PRKCE: variants seen among roughly 807,000 people sequenced by gnomAD.
The protein encoded by PRKCE is protein kinase C epsilon, also known as protein kinase C epsilon type.
A neutral mutation model predicts 85.4 loss-of-function variants in PRKCE; 16 were observed. The observed-to-expected ratio is 0.19, with a 90% confidence interval of 0.13 to 0.28. PRKCE has a LOEUF of 0.28. PRKCE is among the 10% of genes least tolerant of loss of function. The pLI is 1.00. For synonymous variants in PRKCE, 388 were observed against 371.5 expected (o/e 1.04, Z -0.51); for missense variants, 573 against 975.2 (o/e 0.59, Z 5.49).
intron 1 of PRKCE, among the ~76,000 whole-genome samples, chr2:45,826,846 A>G (rs987962163): frequency 1.3e-5 from 2 of 152,064 alleles, no homozygotes; most frequent in Admixed American, 6.5e-5. Flanking sequence ...TCTATCTTCA[A>G]ATTACATTCA....
At chr2:45,900,010 C>T (rs1000667745) in intron 2 of PRKCE, among the ~76,000 whole-genome samples, 3 of 152,114 alleles carry the variant, frequency 2.0e-5, no homozygotes, top group East Asian at 1.9e-4. Flanking sequence ...ATATATTGCA[C>T]AGTAAACCAA....
chr2:46,160,503 G>C (rs1033205975), intron 14 of PRKCE, among the ~76,000 whole-genome samples: 2 of 152,228 alleles, frequency 1.3e-5, no homozygotes, highest in Admixed American at 6.5e-5. Flanking sequence ...TAATTCTGTT[G>C]TGTTGTAGCC....
At chr2:45,665,034 T>C (rs1675847434) in intron 1 of PRKCE, among the ~76,000 whole-genome samples, 1 of 152,224 alleles carries the variant, frequency 6.6e-6, no homozygotes, top group Non-Finnish European at 1.5e-5. Flanking sequence ...GATGTTGGAA[T>C]TGCTAAAGAG....
chr2:45,795,778 C>T (rs1687390928), intron 1 of PRKCE, among the ~76,000 whole-genome samples: 1 of 152,150 alleles, frequency 6.6e-6, no homozygotes. Context: ...TGCCCCTTCT[C>T]ATGTCACTGT....
At chr2:45,819,238 A>C (rs1573482062) in intron 1 of PRKCE, among the ~76,000 whole-genome samples, 1 of 152,196 alleles carries the variant, frequency 6.6e-6, no homozygotes, top group African/African-American at 2.4e-5. Flanking sequence ...CACTTTGCAG[A>C]TCAAGAGTGA....
chr2:46,182,278 A>G (rs531923983), intron 14 of PRKCE, among the ~76,000 whole-genome samples: 1 of 152,062 alleles, frequency 6.6e-6, no homozygotes, highest in African/African-American at 2.4e-5. Flanking sequence ...TTCCACAGAG[A>G]TCTTCAGAAG....
At chr2:45,684,439 C>A (rs1347877826) in intron 1 of PRKCE, among the ~76,000 whole-genome samples, 3 of 152,210 alleles carry the variant, frequency 2.0e-5, no homozygotes, top group Admixed American at 1.3e-4. Context: ...CTGACCTAGA[C>A]TCTCTATAGG....
chr2:45,909,251 C>T (rs904481944), intron 2 of PRKCE, among the ~76,000 whole-genome samples: 4 of 152,054 alleles, frequency 2.6e-5, no homozygotes, highest in Admixed American at 1.3e-4. Flanking sequence ...ATAAGATGAA[C>T]GAAGATTATT....
At chr2:45,784,863 A>C (rs1686473557) in intron 1 of PRKCE, among the ~76,000 whole-genome samples, 1 of 152,168 alleles carries the variant, frequency 6.6e-6, no homozygotes, top group Non-Finnish European at 1.5e-5. Flanking sequence ...GAATAATGAT[A>C]ATGTTTTTTG....
In PRKCE at chr2:46,091,914, G is replaced by A. The variant is rs528558147; in HGVS notation, c.1592+5552G>A. ...TTCATTCTTCCCTTCTGATAAAATC[G>A]AACTCTTTCTTTTTTGAAATGATAA... On this transcript the variant is annotated intron_variant, in intron 11 of 14. Coordinates refer to ENST00000306156, the MANE Select transcript of PRKCE (RefSeq NM_005400.3). Among the ~76,000 whole-genome samples the A allele has an allele frequency of 3.0e-4, 46 of 152,152 alleles. 1 individual carries two copies. Among genetic ancestry groups the A allele is most frequent in the Middle Eastern group, 3.4e-3 (1 of 294 alleles).
At chr2:46,072,128 A>T (rs1668134023) in intron 10 of PRKCE, among the ~76,000 whole-genome samples, 1 of 152,246 alleles carries the variant, frequency 6.6e-6, no homozygotes, top group Non-Finnish European at 1.5e-5. Flanking sequence ...AGATCAAAGA[A>T]TTTAATAATT....
intron 6 of PRKCE, among the ~76,000 whole-genome samples, chr2:45,996,297 C>T (rs1336638978): frequency 6.6e-6 from 1 of 152,132 alleles, no homozygotes; most frequent in African/African-American, 2.4e-5. Context: ...ATATCATCTA[C>T]AAACAAAGAT....
At chr2:46,131,425 A>T (rs1426280101) in intron 11 of PRKCE, among the ~76,000 whole-genome samples, 1 of 152,242 alleles carries the variant, frequency 6.6e-6, no homozygotes, top group Non-Finnish European at 1.5e-5. Flanking sequence ...TAGCTCAATG[A>T]CACTGAGCAG....
chr2:45,753,835 C>T (rs1320896555), intron 1 of PRKCE, among the ~76,000 whole-genome samples: 3 of 152,140 alleles, frequency 2.0e-5, no homozygotes. Context: ...GGCATCCTAA[C>T]ATTCCCCTCC....
intron 2 of PRKCE, among the ~76,000 whole-genome samples, chr2:45,887,296 G>A (rs1327523196): frequency 6.6e-6 from 1 of 152,154 alleles, no homozygotes; most frequent in Non-Finnish European, 1.5e-5. Context: ...AGCGATCTGT[G>A]TCTGAAATTC....
chr2:45,776,685 C>A (rs1027741822), intron 1 of PRKCE, among the ~76,000 whole-genome samples: 6 of 152,170 alleles, frequency 3.9e-5, no homozygotes, highest in Middle Eastern at 3.2e-3. Flanking sequence ...TGCTACTCTG[C>A]CCCTGCTTCT....
intron 2 of PRKCE, among the ~76,000 whole-genome samples, chr2:45,914,262 T>C (rs1697590836): frequency 6.6e-6 from 1 of 152,226 alleles, no homozygotes; most frequent in Non-Finnish European, 1.5e-5. Context: ...GGGTAAATGC[T>C]GGAGTGTCTA....
intron 11 of PRKCE, among the ~76,000 whole-genome samples, chr2:46,095,862 TA>T (rs1223364445): frequency 6.6e-6 from 1 of 152,202 alleles, no homozygotes; most frequent in African/African-American, 2.4e-5. Context: ...GCAACAACAA[TA>T]ATAGCAAAAC....
intron 1 of PRKCE, among the ~76,000 whole-genome samples, chr2:45,662,222 C>A (rs1226102769): frequency 2.0e-5 from 3 of 152,136 alleles, no homozygotes; most frequent in Non-Finnish European, 2.9e-5. Context: ...ATTCACTGAG[C>A]AAATATTTAT....
Sources: allele counts gnomAD v4.1 joint callset (sites outside exome capture counted in the v4.1 genomes callset), GRCh38; gene constraint gnomAD v4.1.1; transcripts MANE v1.5; gene names NCBI Gene and HGNC (gene_info 2026-07-23, HGNC 2026-07-21).